PCDH15: variants seen among roughly 807,000 people sequenced by gnomAD.
PCDH15 encodes the protein protocadherin-15.
Under a neutral mutation model 178.5 loss-of-function variants are expected in PCDH15, and 129 were observed. The observed-to-expected ratio is 0.72, with a 90% CI of 0.63 to 0.84. The LOEUF (loss-of-function observed/expected upper bound fraction) is 0.84. Among genes scored for constraint, PCDH15 ranks in the 40% least tolerant of loss-of-function variants. The pLI is 0.00. For missense variants in PCDH15, 2,230 were observed against 2,099.9 expected, an observed-to-expected ratio of 1.06 and a Z score of -1.21; for synonymous variants, 800 against 732.0, an observed-to-expected ratio of 1.09 and a Z score of -1.50.
At chr10:55,482,751 T>C (rs1285808914) in intron 2 of PCDH15, among the ~76,000 whole-genome samples, 3 of 151,732 alleles carry the variant, frequency 2.0e-5, no homozygotes, top group Non-Finnish European at 4.4e-5. Context: ...ACCTTAACAT[T>C]TTTTTCTTTC....
chr10:54,162,924 G>A (rs575944684), intron 13 of PCDH15, among the ~76,000 whole-genome samples: 32 of 152,156 alleles, frequency 2.1e-4, no homozygotes, highest in African/African-American at 5.1e-4. Context: ...TGACAGAGTC[G>A]ATTTTTCTTT....
chr10:53,822,562 A>T (rs1272852116), intron 32 of PCDH15: 1 of 1,613,852 alleles, frequency 6.2e-7, no homozygotes, highest in East Asian at 2.2e-5. Flanking sequence ...TCAATAGGTA[A>T]CATACAAATA....
intron 8 of PCDH15, among the ~76,000 whole-genome samples, chr10:54,253,739 G>A (rs1276526036): frequency 6.6e-6 from 1 of 151,922 alleles, no homozygotes. Flanking sequence ...ATATGCATAT[G>A]GTAATGCTTG....
Position 54,658,016 on chromosome 10 carries a change from T to C in PCDH15, c.91+6156A>G, listed in dbSNP as rs908189171. Among the ~76,000 whole-genome samples the C allele has an allele frequency of 5.9e-5, 9 of 152,144 alleles. No individual in the cohort carries two copies. In the East Asian group the frequency reaches 1.3e-3, roughly 23 times the overall value. On this transcript the variant is annotated intron_variant, in intron 2 of 37. Transcript: ENST00000644397. ...AACTAAAGGAATTTCAAAACATAGT[T>C]GAAAGCTTTAACAATACACTAGACC... is the stretch of plus-strand genomic sequence containing the variant.
chr10:53,837,270 A>G (rs1187485815), intron 29 of PCDH15, among the ~76,000 whole-genome samples: 1 of 152,106 alleles, frequency 6.6e-6, no homozygotes, highest in African/African-American at 2.4e-5. Flanking sequence ...CAAACTCACA[A>G]AAAAATGCAG....
rs138761213 is a variant in PCDH15, at chr10:55,430,243, A to T, written c.-156+197382T>A. Among the ~76,000 whole-genome samples, 263 of 152,266 alleles carry T rather than the reference A, an allele frequency of 1.7e-3. 1 individual carries two copies. Among genetic ancestry groups the T allele is most frequent in the African/African-American group, 6.1e-3 (252 of 41,548 alleles). On this transcript the variant is annotated intron_variant, in intron 2 of 5. Transcript: ENST00000613346. Reference sequence around the variant, plus strand: ...GAGGTTGAGGCTGCAGTTAGCTGAGATTGTGCCACTGCACTCCAGCCTGGC... The same window carrying T: ...GAGGTTGAGGCTGCAGTTAGCTGAGTTTGTGCCACTGCACTCCAGCCTGGC...
chr10:54,503,517 T>TA (rs1346207391), intron 3 of PCDH15, among the ~76,000 whole-genome samples: 3 of 135,726 alleles, frequency 2.2e-5, no homozygotes, highest in Non-Finnish European at 5.0e-5. Context: ...GATAGAATAT[T>TA]TAAAAAAAAA....
intron 21 of PCDH15, among the ~76,000 whole-genome samples, chr10:53,964,080 T>C (rs1279177184): frequency 6.6e-6 from 1 of 152,190 alleles, no homozygotes; most frequent in African/African-American, 2.4e-5. Context: ...CAATAGTCCT[T>C]TACCAGGAAA....
chr10:55,303,069 A>G (rs897391761), intron 1 of PCDH15, among the ~76,000 whole-genome samples: 1 of 141,034 alleles, frequency 7.1e-6, no homozygotes, highest in South Asian at 2.3e-4. Context: ...ATAAGATAAG[A>G]AAACAAAGAT....
At chr10:54,435,269 A>G (rs2075306124) in intron 3 of PCDH15, among the ~76,000 whole-genome samples, 1 of 152,168 alleles carries the variant, frequency 6.6e-6, no homozygotes, top group South Asian at 2.1e-4. Flanking sequence ...TGAACAGATG[A>G]TTCTGACAGC....
At chr10:54,916,685 CT>C (rs1837345944) in intron 2 of PCDH15, among the ~76,000 whole-genome samples, 2 of 152,108 alleles carry the variant, frequency 1.3e-5, no homozygotes. Context: ...CCGATATCAC[CT>C]TTTATATCTA....
chr10:55,025,180 T>TTATA (rs555377999), intron 2 of PCDH15, among the ~76,000 whole-genome samples: 13 of 152,160 alleles, frequency 8.5e-5, no homozygotes, highest in South Asian at 4.1e-4. Flanking sequence ...TATATGTGTG[T>TTATA]TGAGTGAAAA....
At chr10:54,464,567 C>T (rs1004573414) in intron 3 of PCDH15, among the ~76,000 whole-genome samples, 9 of 152,090 alleles carry the variant, frequency 5.9e-5, no homozygotes, top group African/African-American at 2.2e-4. Context: ...GGGTTATTGT[C>T]TCCCCTAGAC....
At chr10:55,355,162 A>T (rs1203755007) in intron 2 of PCDH15, among the ~76,000 whole-genome samples, 2 of 151,988 alleles carry the variant, frequency 1.3e-5, no homozygotes, top group Non-Finnish European at 2.9e-5. Flanking sequence ...CCACTGCTGG[A>T]CATTTAAATT....
chr10:54,410,181 T>C (rs1953285190), intron 3 of PCDH15, among the ~76,000 whole-genome samples: 1 of 152,112 alleles, frequency 6.6e-6, no homozygotes, highest in Non-Finnish European at 1.5e-5. Flanking sequence ...GCCACAATAT[T>C]TGCTGCCTCT....
chr10:53,974,165 G>A (rs890036429), intron 21 of PCDH15, among the ~76,000 whole-genome samples: 3 of 151,950 alleles, frequency 2.0e-5, no homozygotes, highest in Non-Finnish European at 2.9e-5. Context: ...TTACAGGGAC[G>A]CTCCATGCCT....
chr10:53,922,085 G>A (rs1015649193), intron 25 of PCDH15, among the ~76,000 whole-genome samples: 6 of 151,444 alleles, frequency 4.0e-5, no homozygotes, highest in Middle Eastern at 3.4e-3. Flanking sequence ...TACATTATCC[G>A]GTTGTCAATC....
intron 20 of PCDH15, among the ~76,000 whole-genome samples, chr10:54,009,077 A>G (rs1322394828): frequency 1.3e-5 from 2 of 152,132 alleles, no homozygotes; most frequent in African/African-American, 4.8e-5. Context: ...TTGTCCCTTG[A>G]TCCTTTTTCC....
chr10:54,457,166 T>A (rs1471177673), intron 3 of PCDH15, among the ~76,000 whole-genome samples: 1 of 152,158 alleles, frequency 6.6e-6, no homozygotes, highest in Non-Finnish European at 1.5e-5. Flanking sequence ...AGCAGCTAAT[T>A]CAAAGCACAA....
Sources: gnomAD v4.1 joint callset for allele counts (sites outside exome capture counted in the v4.1 genomes callset) on GRCh38, gnomAD v4.1.1 for gene constraint, MANE v1.5 for transcripts, NCBI Gene and HGNC (gene_info 2026-07-23, HGNC 2026-07-21) for gene names.